RPS6KA5: variants seen among roughly 807,000 people sequenced by gnomAD.
The protein encoded by RPS6KA5 is ribosomal protein S6 kinase A5, also known as ribosomal protein S6 kinase alpha-5.
Under a neutral mutation model 85.5 loss-of-function variants are expected in RPS6KA5, and 27 were observed. The ratio of observed to expected loss-of-function variants is 0.32; its 90% CI spans 0.23 to 0.44. The LOEUF (loss-of-function observed/expected upper bound fraction) is 0.44. RPS6KA5 is among the 20% of genes least tolerant of loss of function. The probability of loss-of-function intolerance (pLI) is 1.00; values close to 1 mark genes in which losing one functional copy is unlikely to be tolerated. For missense variants in RPS6KA5, 811 were observed against 980.9 expected (o/e 0.83, Z 2.31); for synonymous variants, 334 against 348.2 (o/e 0.96, Z 0.46).
At chr14:90,960,985 C>T (rs540301189) in intron 3 of RPS6KA5, among the ~76,000 whole-genome samples, 69 of 152,244 alleles carry the variant, frequency 4.5e-4, no homozygotes, top group Non-Finnish European at 7.5e-4. Flanking sequence ...GACGTTTGTA[C>T]GGAAGTAGCG....
At position 90,860,480 on chromosome 14, in the gene RPS6KA5, G is replaced by GC. The variant is rs1239749351; in HGVS notation, c.*11593dup. 8 of 152,234 alleles carry GC rather than the reference G, an allele frequency of 5.3e-5. No individual in the cohort carries two copies. The highest frequency in any genetic ancestry group is 1.9e-4 in the African/African-American group (8 of 41,430). 9.4% of individuals were successfully genotyped at this position (152,234 alleles called of 1,614,324 possible). On this transcript the variant is annotated 3_prime_UTR_variant, in exon 17 of 17. Transcript: ENST00000614987. ...ACCTAGGAGGTGGAGGTTGCAGTGA[G>GC]CCAAGATTGTGCCACTGCACTCCAG...
chr14:91,049,648 C>T (rs1401588412), intron 1 of RPS6KA5, among the ~76,000 whole-genome samples: 1 of 151,910 alleles, frequency 6.6e-6, no homozygotes, highest in Non-Finnish European at 1.5e-5. Flanking sequence ...GAGACAAGTA[C>T]TACAAAAAAA....
intron 12 of RPS6KA5, among the ~76,000 whole-genome samples, chr14:90,896,494 T>C (rs1427851053): frequency 1.3e-5 from 2 of 152,100 alleles, no homozygotes; most frequent in Non-Finnish European, 2.9e-5. Flanking sequence ...AAAGGGCCTT[T>C]TGAGATGTGA....
chr14:90,979,741 A>G (rs1486187244), intron 2 of RPS6KA5, among the ~76,000 whole-genome samples: 1 of 152,270 alleles, frequency 6.6e-6, no homozygotes, highest in African/African-American at 2.4e-5. Context: ...CACTAAACAT[A>G]TCGATTCACT....
At chr14:91,055,719 T>C (rs755149530) in intron 1 of RPS6KA5, among the ~76,000 whole-genome samples, 11 of 152,150 alleles carry the variant, frequency 7.2e-5, no homozygotes, top group South Asian at 6.2e-4. Context: ...TTTGAAATTA[T>C]AGTGAGCCAT....
intron 1 of RPS6KA5, among the ~76,000 whole-genome samples, chr14:91,039,484 T>A (rs1235138687): frequency 6.6e-6 from 1 of 152,196 alleles, no homozygotes; most frequent in Non-Finnish European, 1.5e-5. Context: ...CAGAATTTTC[T>A]ACTCTCAGAT....
chr14:91,025,050 T>G (rs1213852254), intron 1 of RPS6KA5, among the ~76,000 whole-genome samples: 1 of 150,266 alleles, frequency 6.7e-6, no homozygotes, highest in South Asian at 2.1e-4. Flanking sequence ...CAGTCTAACT[T>G]TTTTTTTTAG....
At chr14:91,009,846 G>A (rs577274036) in intron 1 of RPS6KA5, among the ~76,000 whole-genome samples, 135 of 152,238 alleles carry the variant, frequency 8.9e-4, no homozygotes, top group Non-Finnish European at 1.4e-3. Flanking sequence ...CACAGGAAAG[G>A]AAAGGCAAGT....
chr14:90,868,860 A>AC lies in RPS6KA5; in HGVS notation c.*3213_*3214insG. The AC allele has an allele frequency of 2.0e-5, 3 of 152,306 alleles. No individual in the cohort carries two copies. The highest frequency in any genetic ancestry group is 6.8e-3 in the Middle Eastern group (2 of 294). 9.4% of individuals were successfully genotyped at this position (152,306 alleles called of 1,614,324 possible). A position where few individuals can be genotyped will look rare whatever the true frequency, so the allele number is the denominator to read the frequency against. ...CTTTAAAATAACTTACCTTATATTT[A>AC]AAAGTTAGTCATTTACATACTTAAG... On this transcript the variant is annotated 3_prime_UTR_variant, in exon 17 of 17. Coordinates refer to ENST00000614987, the MANE Select transcript of RPS6KA5 (RefSeq NM_004755.4).
chr14:90,890,733 C>T (rs1172035962), intron 13 of RPS6KA5, 55 bp from the exon 14 acceptor site: 1 of 1,480,122 alleles, frequency 6.8e-7, no homozygotes, highest in Non-Finnish European at 9.3e-7. Context: ...TTGGGAATTG[C>T]TGGTACTATT....
chr14:90,970,963 G>T (rs1172999401), intron 3 of RPS6KA5, among the ~76,000 whole-genome samples: 1 of 151,796 alleles, frequency 6.6e-6, no homozygotes, highest in African/African-American at 2.4e-5. Context: ...TAAAGCAGGG[G>T]TCAACAAATT....
In RPS6KA5 at chr14:90,870,184, A is replaced by G. The variant is rs1338478475; in HGVS notation, c.*1890T>C. On this transcript the variant is annotated 3_prime_UTR_variant, in exon 17 of 17. Coordinates refer to ENST00000614987, the MANE Select transcript of RPS6KA5 (RefSeq NM_004755.4). ...GCACAGTTTAAAAAATGGCTTGAAGAGCCAAATATGTTCCCAATATGTCCA... is the reference window on the plus strand; with the variant it reads ...GCACAGTTTAAAAAATGGCTTGAAGGGCCAAATATGTTCCCAATATGTCCA... The G allele has an allele frequency of 6.6e-6, 1 of 152,216 alleles. No homozygotes were observed. Among genetic ancestry groups the G allele is most frequent in the Non-Finnish European group, 1.5e-5 (1 of 68,024 alleles). The allele number at this position is 152,216 out of a possible 1,614,324, so 9.4% of individuals were successfully genotyped here.
intron 7 of RPS6KA5, among the ~76,000 whole-genome samples, chr14:90,914,022 C>A (rs1331021242): frequency 6.6e-6 from 1 of 152,196 alleles, no homozygotes; most frequent in Non-Finnish European, 1.5e-5. Context: ...GATCCAGAGA[C>A]CAAAATGTGT....
chr14:91,052,428 C>G (rs550753377), intron 1 of RPS6KA5: 5 of 333,182 alleles, frequency 1.5e-5, no homozygotes, highest in African/African-American at 1.2e-4. Flanking sequence ...AGATCAGCAC[C>G]ACACTCCAGC....
At chr14:90,991,454 C>T (rs914918782) in intron 2 of RPS6KA5, among the ~76,000 whole-genome samples, 1 of 152,092 alleles carries the variant, frequency 6.6e-6, no homozygotes, top group African/African-American at 2.4e-5. Flanking sequence ...GTAATCCCAA[C>T]ACTTTGGAAG....
At chr14:91,032,363 T>G (rs1388696286) in intron 1 of RPS6KA5, among the ~76,000 whole-genome samples, 1 of 152,188 alleles carries the variant, frequency 6.6e-6, no homozygotes, top group Non-Finnish European at 1.5e-5. Context: ...TATGCAAGGA[T>G]TTTAAAAATC....
At chr14:90,923,358 C>T (rs1957386) in intron 5 of RPS6KA5, 162 bp from the exon 6 acceptor site, 36,445 of 612,964 alleles carry the variant, frequency 0.059, 1,409 homozygotes, top group Non-Finnish European at 0.078. Flanking sequence ...CCACTGTCTA[C>T]ATAATATGAG....
At chr14:91,038,425 T>A (rs1417847479) in intron 1 of RPS6KA5, among the ~76,000 whole-genome samples, 2 of 152,138 alleles carry the variant, frequency 1.3e-5, no homozygotes, top group Non-Finnish European at 2.9e-5. Flanking sequence ...TAGAAAAAAG[T>A]AAGAATAGAC....
At chr14:90,906,464 T>A (rs1332634243) in intron 7 of RPS6KA5, among the ~76,000 whole-genome samples, 165 bp from the exon 8 acceptor site, 1 of 151,850 alleles carries the variant, frequency 6.6e-6, no homozygotes, top group Non-Finnish European at 1.5e-5. Context: ...TAGAATGAGA[T>A]ACCATAAAGT....
Sources: gnomAD v4.1 joint callset for allele counts (sites outside exome capture counted in the v4.1 genomes callset) on GRCh38, gnomAD v4.1.1 for gene constraint, MANE v1.5 for transcripts, NCBI Gene and HGNC (gene_info 2026-07-23, HGNC 2026-07-21) for gene names.